ARSB: variants seen among roughly 807,000 people sequenced by gnomAD.
ARSB encodes the protein N-acetylgalactosamine-4-sulfatase.
ARSB carries 41 observed loss-of-function variants against 50.9 expected under a neutral mutation model. The observed-to-expected ratio is 0.81, with a 90% CI of 0.63 to 1.04. The LOEUF (loss-of-function observed/expected upper bound fraction) is 1.04. ARSB is among the 50% of genes least tolerant of loss of function. The pLI is 0.00. For synonymous variants in ARSB, 269 were observed against 284.8 expected, an observed-to-expected ratio of 0.94 and a Z score of 0.56; for missense variants, 672 against 693.3, an observed-to-expected ratio of 0.97 and a Z score of 0.35.
At chr5:78,851,613 T>C (rs147290447) in intron 5 of ARSB, among the ~76,000 whole-genome samples, 3,038 of 152,142 alleles carry the variant, frequency 0.02, 99 homozygotes, top group African/African-American at 0.068. Flanking sequence ...CCTGGGTATC[T>C]TTGTTAACTT....
intron 1 of ARSB, among the ~76,000 whole-genome samples, chr5:78,978,176 T>G (rs779501044): frequency 1.3e-5 from 2 of 151,990 alleles, no homozygotes; most frequent in Non-Finnish European, 2.9e-5. Flanking sequence ...CCATCTCTAT[T>G]AAAAATACAA....
intron 5 of ARSB, among the ~76,000 whole-genome samples, chr5:78,868,960 G>A (rs2112139163): frequency 6.6e-6 from 1 of 152,022 alleles, no homozygotes; most frequent in African/African-American, 2.4e-5. Flanking sequence ...ATGAAAGGAA[G>A]GAGGAAGATC....
At chr5:78,902,533 A>T (rs966182621) in intron 4 of ARSB, among the ~76,000 whole-genome samples, 13 of 152,202 alleles carry the variant, frequency 8.5e-5, no homozygotes, top group African/African-American at 1.9e-4. Flanking sequence ...TGGATTTTTT[A>T]AAATGTATAT....
At chr5:78,896,614 C>T (rs148031378) in intron 4 of ARSB, among the ~76,000 whole-genome samples, 70 of 152,158 alleles carry the variant, frequency 4.6e-4, no homozygotes, top group African/African-American at 1.1e-3. Context: ...ATTTTGTAGG[C>T]GAAATAGAAG....
chr5:78,882,672 T>C (rs1187579092), intron 5 of ARSB, among the ~76,000 whole-genome samples: 1 of 151,852 alleles, frequency 6.6e-6, no homozygotes, highest in Non-Finnish European at 1.5e-5. Flanking sequence ...CAATGGTCTG[T>C]TAAATAAGGA....
intron 4 of ARSB, among the ~76,000 whole-genome samples, chr5:78,953,056 C>T (rs1264747637): frequency 1.3e-5 from 2 of 152,164 alleles, no homozygotes; most frequent in Admixed American, 1.3e-4. Context: ...TTGTTAAGGG[C>T]TGAAATATGT....
At chr5:78,939,793 AC>A (rs1435438027) in intron 4 of ARSB, among the ~76,000 whole-genome samples, 2 of 152,160 alleles carry the variant, frequency 1.3e-5, no homozygotes, top group Non-Finnish European at 2.9e-5. Context: ...TTGGGTATAT[AC>A]CCAGTAATGG....
intron 4 of ARSB, among the ~76,000 whole-genome samples, chr5:78,918,018 T>G (rs1195114228): frequency 6.6e-6 from 1 of 152,210 alleles, no homozygotes; most frequent in African/African-American, 2.4e-5. Context: ...CTTTCAACCC[T>G]AAAGACAATT....
At chr5:78,974,865 G>A (rs1227467418) in intron 1 of ARSB, among the ~76,000 whole-genome samples, 1 of 152,160 alleles carries the variant, frequency 6.6e-6, no homozygotes, top group African/African-American at 2.4e-5. Flanking sequence ...GTCACCCCAG[G>A]GCTCTGCTGT....
intron 3 of ARSB, among the ~76,000 whole-genome samples, chr5:78,963,442 T>G (rs1008699216): frequency 2.6e-5 from 4 of 152,160 alleles, no homozygotes; most frequent in African/African-American, 7.2e-5. Flanking sequence ...TGCAGGAAAT[T>G]GGAAGAACCA....
At chr5:78,969,839 G>A (rs1435043415) in intron 1 of ARSB, among the ~76,000 whole-genome samples, 4 of 152,158 alleles carry the variant, frequency 2.6e-5, no homozygotes, top group Admixed American at 2.6e-4. Flanking sequence ...GGCTGGTCTC[G>A]AACTCCTGAC....
At chr5:78,814,488 A>G (rs1381976297) in intron 6 of ARSB, among the ~76,000 whole-genome samples, 1 of 150,706 alleles carries the variant, frequency 6.6e-6, no homozygotes, top group Non-Finnish European at 1.5e-5. Flanking sequence ...CTTTATTTAC[A>G]TATTTTTCCC....
At chr5:78,870,685 A>G (rs931636410) in intron 5 of ARSB, among the ~76,000 whole-genome samples, 8 of 150,526 alleles carry the variant, frequency 5.3e-5, no homozygotes, top group Non-Finnish European at 1.2e-4. Flanking sequence ...AGAGCTATCT[A>G]TGACAAACCC....
chr5:78,872,935 C>T (rs1322284699), intron 5 of ARSB, among the ~76,000 whole-genome samples: 3 of 151,916 alleles, frequency 2.0e-5, no homozygotes, highest in South Asian at 2.1e-4. Flanking sequence ...CCCACTCCTA[C>T]GGATTGCCTG....
intron 4 of ARSB, among the ~76,000 whole-genome samples, chr5:78,942,888 T>C (rs1426572955): frequency 6.6e-6 from 1 of 152,216 alleles, no homozygotes; most frequent in African/African-American, 2.4e-5. Flanking sequence ...GGTGTTAATG[T>C]CTCCCATTAT....
chr5:78,975,845 C>G (rs533932572), intron 1 of ARSB, among the ~76,000 whole-genome samples: 1 of 152,076 alleles, frequency 6.6e-6, no homozygotes, highest in South Asian at 2.1e-4. Context: ...ACAGACAAGG[C>G]AATCTAATGG....
intron 4 of ARSB, among the ~76,000 whole-genome samples, chr5:78,936,098 T>C (rs1396258651): frequency 1.8e-5 from 2 of 113,582 alleles, no homozygotes; most frequent in African/African-American, 6.7e-5. Context: ...CGCCTCTCTC[T>C]CTTTCCCTCC....
intron 4 of ARSB, among the ~76,000 whole-genome samples, chr5:78,939,333 A>G (rs1750784963): frequency 6.6e-6 from 1 of 151,302 alleles, no homozygotes; most frequent in African/African-American, 2.4e-5. Flanking sequence ...CATAACGTGC[A>G]GGTTTGTTAC....
chr5:78,904,685 CTTTTT>C (rs55920994), intron 4 of ARSB, among the ~76,000 whole-genome samples: 5 of 98,924 alleles, frequency 5.1e-5, no homozygotes, highest in South Asian at 3.2e-4. Context: ...TTCTTTCTTT[CTTTTT>C]TTTTTTTTTT....
Sources: allele counts gnomAD v4.1 joint callset (sites outside exome capture counted in the v4.1 genomes callset), GRCh38; gene constraint gnomAD v4.1.1; transcripts MANE v1.5; gene names NCBI Gene and HGNC (gene_info 2026-07-23, HGNC 2026-07-21).